The following FAM135A variants were observed in gnomAD, a reference collection of about 807,000 sequenced individuals.
FAM135A encodes the protein protein FAM135A.
Under a neutral mutation model 146.8 loss-of-function variants are expected in FAM135A, and 79 were observed. That is an observed-to-expected ratio of 0.54 (90% CI 0.45 to 0.65). FAM135A has a LOEUF of 0.65. Ranked by LOEUF, FAM135A falls within the 30% of genes least tolerant of loss-of-function variation. The pLI is 0.00. For synonymous variants in FAM135A, 562 were observed against 603.6 expected, an observed-to-expected ratio of 0.93 and a Z score of 1.01; for missense variants, 1,623 against 1,758.2, an observed-to-expected ratio of 0.92 and a Z score of 1.38.
chr6:70,539,846 A>C (rs1160625136), intron 20 of FAM135A, among the ~76,000 whole-genome samples: 1 of 151,900 alleles, frequency 6.6e-6, no homozygotes, highest in Non-Finnish European at 1.5e-5. Flanking sequence ...ATACAAAAAA[A>C]TTAGCCAGGC....
At chr6:70,468,183 T>C (rs1237828709) in intron 5 of FAM135A, among the ~76,000 whole-genome samples, 1 of 152,176 alleles carries the variant, frequency 6.6e-6, no homozygotes, top group African/African-American at 2.4e-5. Context: ...TTCTCTATGG[T>C]TTCTCATGTT....
chr6:70,479,809 G>C (rs752477423), intron 8 of FAM135A, among the ~76,000 whole-genome samples: 6 of 151,938 alleles, frequency 3.9e-5, no homozygotes, highest in African/African-American at 1.5e-4. Context: ...CGTTATATCA[G>C]TTACTTAAAG....
chr6:70,516,404 A>G, intron 12 of FAM135A, among the ~76,000 whole-genome samples: 1 of 152,120 alleles, frequency 6.6e-6, no homozygotes, highest in East Asian at 1.9e-4. Context: ...TAAAGCTGCC[A>G]TATGGATTAG....
intron 12 of FAM135A, among the ~76,000 whole-genome samples, chr6:70,521,810 G>A (rs544556266): frequency 5.9e-5 from 9 of 152,292 alleles, no homozygotes; most frequent in African/African-American, 2.2e-4. Flanking sequence ...TGGAAGAAAT[G>A]TTCAGCTAGA....
At chr6:70,554,293 A>T (rs1800407796) in intron 20 of FAM135A, among the ~76,000 whole-genome samples, 1 of 152,210 alleles carries the variant, frequency 6.6e-6, no homozygotes, top group Non-Finnish European at 1.5e-5. Context: ...CTTGGAGAAG[A>T]TATACTGGCC....
intron 12 of FAM135A, among the ~76,000 whole-genome samples, chr6:70,510,751 A>G (rs918029960): frequency 1.3e-5 from 2 of 152,030 alleles, no homozygotes; most frequent in African/African-American, 2.4e-5. Flanking sequence ...ATTTGTTTGA[A>G]TATCTGTTTT....
chr6:70,444,840 G>A (rs1775344673), intron 4 of FAM135A, among the ~76,000 whole-genome samples: 1 of 152,208 alleles, frequency 6.6e-6, no homozygotes, highest in African/African-American at 2.4e-5. Flanking sequence ...ATTAAATGTG[G>A]AGATTAAAAA....
chr6:70,499,438 T>A (rs1788017744), intron 11 of FAM135A, among the ~76,000 whole-genome samples: 1 of 152,242 alleles, frequency 6.6e-6, no homozygotes, highest in African/African-American at 2.4e-5. Flanking sequence ...TTTATCCAAT[T>A]TGCCAGTCTG....
rs1156233222 is a variant in FAM135A at position 70,481,995 on chromosome 6, G to A, written c.670-6G>A. The stretch of plus-strand genomic sequence containing the variant: ...ACTCTGTATCCTACATCTGTTTTTT[G>A]TTTAGGGTTGTAGCTTCATCATTGC... On this transcript the variant is annotated splice_region_variant and splice_polypyrimidine_tract_variant and intron_variant, in intron 9 of 21. Transcript: ENST00000418814. 3.7e-6 allele frequency: 6 copies of A among 1,604,094 alleles called. No individual in the cohort carries two copies. The highest frequency in any genetic ancestry group is 5.1e-6 in the Non-Finnish European group (6 of 1,175,726).
intron 10 of FAM135A, 89 bp downstream of exon 10, chr6:70,482,243 C>G: frequency 2.3e-6 from 3 of 1,325,802 alleles, no homozygotes; most frequent in Non-Finnish European, 3.1e-6. Context: ...CATAGTTTTT[C>G]TATACTAAAA....
In FAM135A at chr6:70,524,115, A is replaced by C. The variant is rs1260225801; in HGVS notation, c.1252A>C (p.Thr418Pro). 3 of 1,609,288 alleles carry C rather than the reference A, an allele frequency of 1.9e-6. No individual in the cohort carries two copies. The Admixed American group carries it at 5.1e-5, about 27-fold the overall frequency. ...TGAAGATAGGTATTTAGATTCAGTT[A>C]CTGAAGGTAAGTGTAATCTAACTAA... is the stretch of plus-strand genomic sequence containing the variant. ...IFEDRYLDSVTEDLDAPWMGI... is the reference protein window; with the variant it reads ...IFEDRYLDSVPEDLDAPWMGI... Residue 418 changes from threonine (T) to proline (P), a missense_variant, in exon 14 of 22, where the codon ACT becomes CCT. Transcript: ENST00000418814.
At chr6:70,506,855 T>C (rs567938146) in intron 12 of FAM135A, among the ~76,000 whole-genome samples, 5 of 152,052 alleles carry the variant, frequency 3.3e-5, no homozygotes, top group African/African-American at 1.2e-4. Flanking sequence ...TTGTTCTGTT[T>C]GTGTCACCTG....
intron 12 of FAM135A, among the ~76,000 whole-genome samples, chr6:70,511,124 G>T (rs938773595): frequency 4.0e-5 from 6 of 151,764 alleles, no homozygotes; most frequent in Non-Finnish European, 7.4e-5. Flanking sequence ...TATTTTAATT[G>T]GGTTGTTTGT....
At chr6:70,448,780 C>G (rs980174593) in intron 4 of FAM135A, among the ~76,000 whole-genome samples, 11 of 152,154 alleles carry the variant, frequency 7.2e-5, no homozygotes, top group African/African-American at 2.7e-4. Context: ...AGGGATGGGC[C>G]GAAATAAATG....
At chr6:70,557,136 G>T (rs1299694911) in intron 21 of FAM135A, 1 of 521,392 alleles carries the variant, frequency 1.9e-6, no homozygotes, top group Non-Finnish European at 3.4e-6. Context: ...TGAATTAATG[G>T]GATTGACAAT....
intron 5 of FAM135A, among the ~76,000 whole-genome samples, chr6:70,470,876 G>T (rs1562478588): frequency 6.6e-6 from 1 of 152,194 alleles, no homozygotes; most frequent in Non-Finnish European, 1.5e-5. Flanking sequence ...TTGTCTAGGT[G>T]CATCTGCAGG....
At chr6:70,479,594 CT>C (rs549375235) in intron 8 of FAM135A, among the ~76,000 whole-genome samples, 65 of 152,172 alleles carry the variant, frequency 4.3e-4, no homozygotes, top group Admixed American at 1.2e-3. Flanking sequence ...GAAGGGGAAG[CT>C]TTTTGCTGGT....
chr6:70,437,636 A>G (rs1254982005), intron 4 of FAM135A, among the ~76,000 whole-genome samples: 1 of 152,134 alleles, frequency 6.6e-6, no homozygotes, highest in African/African-American at 2.4e-5. Context: ...CTCAGAAAAT[A>G]TACTTTCCAT....
intron 12 of FAM135A, among the ~76,000 whole-genome samples, chr6:70,511,091 T>G (rs1790901790): frequency 6.6e-6 from 1 of 152,038 alleles, no homozygotes; most frequent in South Asian, 2.1e-4. Flanking sequence ...TTTGGAGAAA[T>G]GTGTATTCAG....
Sources: gnomAD v4.1 joint callset for allele counts (sites outside exome capture counted in the v4.1 genomes callset) on GRCh38, gnomAD v4.1.1 for gene constraint, MANE v1.5 for transcripts, NCBI Gene and HGNC (gene_info 2026-07-23, HGNC 2026-07-21) for gene names.